STK10: variants seen among roughly 807,000 people sequenced by gnomAD.
The protein encoded by STK10 is serine/threonine-protein kinase 10.
STK10 carries 78 observed loss-of-function variants against 113.8 expected under a neutral mutation model. The ratio of observed to expected loss-of-function variants is 0.69; its 90% CI spans 0.57 to 0.83. STK10 has a LOEUF of 0.83. Among genes scored for constraint, STK10 ranks in the 40% least tolerant of loss-of-function variants. The pLI is 0.00. For synonymous variants in STK10, 465 were observed against 494.7 expected, an observed-to-expected ratio of 0.94 and a Z score of 0.80; for missense variants, 1,109 against 1,280.1, an observed-to-expected ratio of 0.87 and a Z score of 2.04.
At position 172,179,637 on chromosome 5, in the gene STK10, CG is replaced by C. The variant is rs1231070099; in HGVS notation, c.156+8249del. ...CGCAGAAGCCGAAGGGCGTCATCCA[CG>C]GGAAGTTCAGACCCCCTTGGATGAG... On this transcript the variant is annotated intron_variant, in intron 1 of 18. Coordinates refer to ENST00000176763, the MANE Select transcript of STK10 (RefSeq NM_005990.4). Among the ~76,000 whole-genome samples, 8 of 144,570 alleles carry C rather than the reference CG, an allele frequency of 5.5e-5. No individual in the cohort carries two copies. In the East Asian group the frequency reaches 1.6e-3, roughly 29 times the overall value. The allele number at this position is 144,570 out of a possible 152,430, so 94.8% of individuals were successfully genotyped here.
intron 12 of STK10, among the ~76,000 whole-genome samples, chr5:172,066,949 C>G (rs1212240751): frequency 6.6e-6 from 1 of 152,182 alleles, no homozygotes; most frequent in Admixed American, 6.6e-5. Context: ...CCACTACCCA[C>G]AGAAGATCAG....
chr5:172,187,669 A>AACCGTGCCCGGAGGGGGCGCCC lies in STK10; in HGVS notation c.156+196_156+217dup, dbSNP rs1403441578. Among the ~76,000 whole-genome samples, 3 of 152,162 alleles carry AACCGTGCCCGGAGGGGGCGCCC rather than the reference A, an allele frequency of 2.0e-5. No individual in the cohort carries two copies. The East Asian group carries it at 5.8e-4, about 29-fold the overall frequency. On this transcript the variant is annotated intron_variant, in intron 1 of 18. Coordinates refer to ENST00000176763, the MANE Select transcript of STK10 (RefSeq NM_005990.4). This position sits in a 1 kb window ranked among gnomAD's most constrained non-coding sequence, Gnocchi z 4.6. Reference sequence around the variant, plus strand: ...GAAACAGGGCTAGGGTGGGGGCGGCAACCGTGCCCGGAGGGGGCGCCCAGA... The same window carrying AACCGTGCCCGGAGGGGGCGCCC: ...GAAACAGGGCTAGGGTGGGGGCGGCAACCGTGCCCGGAGGGGGCGCCCACCGTGCCCGGAGGGGGCGCCCAGA...
intron 7 of STK10, among the ~76,000 whole-genome samples, chr5:172,099,234 C>T (rs1404871577): frequency 2.0e-5 from 3 of 152,124 alleles, no homozygotes; most frequent in Admixed American, 2.0e-4. Context: ...GCAGGAGCAG[C>T]AGCACAATCA....
intron 1 of STK10, among the ~76,000 whole-genome samples, chr5:172,183,845 T>A (rs1770905710): frequency 1.3e-5 from 2 of 152,232 alleles, no homozygotes; most frequent in Non-Finnish European, 2.9e-5. Flanking sequence ...TGAGTGAGAA[T>A]GAGCTTGACT....
intron 17 of STK10, 32 bp downstream of exon 17, chr5:172,054,537 G>C: frequency 6.3e-7 from 1 of 1,596,648 alleles, no homozygotes; most frequent in Non-Finnish European, 8.5e-7. Flanking sequence ...GAGGCAGCCT[G>C]GGGGCAGGGG....
chr5:172,159,945 G>T (rs531316404), intron 1 of STK10, among the ~76,000 whole-genome samples: 1 of 151,794 alleles, frequency 6.6e-6, no homozygotes, highest in African/African-American at 2.4e-5. Context: ...AGACCATCCT[G>T]ACCAACATGG....
chr5:172,093,735 G>A lies in STK10; in HGVS notation c.1231C>T (p.Arg411Trp), dbSNP rs1249751395. ...ENGLAVPVPL[R>W]KSRPVSMDAR... is the part of the protein sequence containing the mutation. ...TCCATTGACACGGGTCGGGACTTCC[G>A]CAGGGGCACAGGCACTGCCAGGCCG... is the stretch of plus-strand genomic sequence containing the variant. The change falls in exon 9 of 19, where the codon CGG (arginine) becomes TGG (tryptophan). Residue 411 changes from arginine to tryptophan, a missense_variant. Physicochemically the swap from Arg to Trp is moderately radical, Grantham distance 101. Around this residue, in one of 5 missense-constraint regions of STK10, gnomAD observed 885 missense variants for 991.1 expected, o/e 0.89. Transcript: ENST00000176763. The surrounding 1 kb of genome is among the most constrained non-coding windows in gnomAD (Gnocchi z 4.1). The A allele has an allele frequency of 1.7e-5, 28 of 1,613,690 alleles. No homozygotes were observed. The highest frequency in any genetic ancestry group is 6.7e-5 in the East Asian group (3 of 44,884).
intron 15 of STK10, 160 bp downstream of exon 15, chr5:172,057,189 G>A (rs1161838634): frequency 9.8e-7 from 1 of 1,016,488 alleles, no homozygotes; most frequent in East Asian, 2.7e-5. Context: ...GACGCCCCTG[G>A]AGAACCTCCT....
intron 2 of STK10, among the ~76,000 whole-genome samples, chr5:172,127,937 A>T (rs1561818093): frequency 6.6e-6 from 1 of 152,204 alleles, no homozygotes. Flanking sequence ...AGATGGAGAA[A>T]CTGAGGCCAA....
In STK10 at chr5:172,082,622, G is replaced by T; in HGVS notation, c.1810-117C>A. ...TGATCAGACCTAAGCTTGAATCCCA[G>T]CTCTACTACCCCGTTGCTGTGTGAC... On this transcript the variant is annotated intron_variant, in intron 11 of 18. Transcript: ENST00000176763. This position sits in a 1 kb window ranked among gnomAD's most constrained non-coding sequence, Gnocchi z 4.3. 7.6e-7 allele frequency: 1 copy of T among 1,308,762 alleles called. No homozygotes were observed. The highest frequency in any genetic ancestry group is 1.0e-6 in the Non-Finnish European group (1 of 971,912). The allele number at this position is 1,308,762 out of a possible 1,614,324, so 81.1% of individuals were successfully genotyped here. A position where few individuals can be genotyped will look rare whatever the true frequency, so the allele number is the denominator to read the frequency against.
intron 14 of STK10, 109 bp from the exon 15 acceptor site, chr5:172,057,582 C>T: frequency 8.9e-6 from 13 of 1,463,112 alleles, no homozygotes; most frequent in African/African-American, 1.4e-5. Context: ...TGATAACCAA[C>T]CTGCTGGGCT....
intron 2 of STK10, among the ~76,000 whole-genome samples, chr5:172,148,474 T>C (rs575206495): frequency 3.9e-5 from 6 of 152,266 alleles, no homozygotes; most frequent in African/African-American, 7.2e-5. Flanking sequence ...GCATGTGAGA[T>C]AGACAGCCCA....
chr5:172,141,582 C>CA (rs71310034), intron 2 of STK10, among the ~76,000 whole-genome samples: 12,579 of 116,570 alleles, frequency 0.11, 1,866 homozygotes, highest in African/African-American at 0.34. Context: ...GACCCTGTCT[C>CA]AAAAAAAAAA....
Position 172,042,970 on chromosome 5 carries a change from T to C in STK10, c.*1912A>G, listed in dbSNP as rs1040422463. 1.3e-5 allele frequency: 2 copies of C among 152,138 alleles called. No individual in the cohort carries two copies. The highest frequency in any genetic ancestry group is 4.8e-5 in the African/African-American group (2 of 41,414). 9.4% of individuals were successfully genotyped at this position (152,138 alleles called of 1,614,324 possible). On this transcript the variant is annotated 3_prime_UTR_variant, in exon 19 of 19. Transcript: ENST00000176763. ...AGACAGAGTATACAGAACCTTAACC[T>C]AGCTGGGTGCAGTAGCATGTATCTG...
rs771082925 is a variant in STK10, at chr5:172,042,276, C to T, written c.*2606G>A. ...AACCCAGTTCTGTCTGTCCCTTATA[C>T]AGAAAGCACTAACACAGGGCACGAG... On this transcript the variant is annotated 3_prime_UTR_variant, in exon 19 of 19. Coordinates refer to ENST00000176763, the MANE Select transcript of STK10 (RefSeq NM_005990.4). The T allele has an allele frequency of 6.6e-6, 1 of 152,574 alleles. No individual in the cohort carries two copies. The highest frequency in any genetic ancestry group is 1.9e-4 in the East Asian group (1 of 5,202). 9.5% of individuals were successfully genotyped at this position (152,574 alleles called of 1,614,324 possible).
At chr5:172,181,148 C>T (rs1770848078) in intron 1 of STK10, among the ~76,000 whole-genome samples, 1 of 152,206 alleles carries the variant, frequency 6.6e-6, no homozygotes, top group Non-Finnish European at 1.5e-5. Context: ...TCCACAGCTC[C>T]CTACGCTGCT....
chr5:172,178,237 T>C (rs926776798), intron 1 of STK10, among the ~76,000 whole-genome samples: 8 of 152,164 alleles, frequency 5.3e-5, no homozygotes, highest in African/African-American at 1.7e-4. Flanking sequence ...TCAACCCGCG[T>C]GGGGGCCACA....
At chr5:172,075,068 C>G (rs1451289039) in intron 12 of STK10, among the ~76,000 whole-genome samples, 1 of 150,878 alleles carries the variant, frequency 6.6e-6, no homozygotes, top group African/African-American at 2.4e-5. Context: ...TTTGTCCCAG[C>G]TACTTGGGAG....
intron 2 of STK10, among the ~76,000 whole-genome samples, chr5:172,132,691 G>A (rs1353035651): frequency 6.6e-6 from 1 of 152,154 alleles, no homozygotes. Context: ...TCAGTTTAAT[G>A]CATTGATCAT....
Sources: allele counts gnomAD v4.1 joint callset (sites outside exome capture counted in the v4.1 genomes callset), GRCh38; gene constraint gnomAD v4.1.1; regional missense constraint gnomAD v4.1.1; non-coding constraint Gnocchi (gnomAD v3.1); transcripts MANE v1.5; gene names NCBI Gene and HGNC (gene_info 2026-07-23, HGNC 2026-07-21).